Variants in TMEM138 observed in about 807,000 individuals in gnomAD.
TMEM138 encodes transmembrane protein 138.
In TMEM138, 9 loss-of-function variants were observed where a neutral mutation model predicts 18.1. The observed-to-expected ratio is 0.50, with a 90% CI of 0.30 to 0.87. The LOEUF (loss-of-function observed/expected upper bound fraction) is 0.87. Ranked by LOEUF, TMEM138 falls within the 40% of genes least tolerant of loss-of-function variation. The pLI, the probability that TMEM138 is intolerant of heterozygous loss-of-function variation, is 0.06. For missense variants in TMEM138, 189 were observed against 190.6 expected (o/e 0.99, Z 0.05); for synonymous variants, 79 against 74.8 (o/e 1.06, Z -0.29).
rs565197509 is a variant in TMEM138 at position 61,367,910 on chromosome 11, A to G, written c.301-13A>G. The G allele has an allele frequency of 4.4e-6, 7 of 1,593,268 alleles. No individual in the cohort carries two copies. The South Asian group carries it at 6.6e-5, about 15-fold the overall frequency. ...GTGGCCATTAACTTTTGTGTATCTCACATCTCCTTCAGAACTTACGCTGGA... is the reference window on the plus strand; with the variant it reads ...GTGGCCATTAACTTTTGTGTATCTCGCATCTCCTTCAGAACTTACGCTGGA... On this transcript the variant is annotated splice_polypyrimidine_tract_variant and intron_variant, in intron 3 of 4. Coordinates refer to ENST00000278826, the MANE Select transcript of TMEM138 (RefSeq NM_016464.5).
downstream of TMEM138, among the ~76,000 whole-genome samples, chr11:61,374,315 T>A (rs2135175736): frequency 6.6e-6 from 1 of 151,752 alleles, no homozygotes; most frequent in South Asian, 2.1e-4. Flanking sequence ...ACCCAGCTAA[T>A]TTTTGTATTT....
chr11:61,363,749 G>A (rs971763642), intron 1 of TMEM138: 8 of 152,250 alleles, frequency 5.3e-5, no homozygotes, highest in African/African-American at 1.9e-4. Flanking sequence ...TAAGAGCACA[G>A]ACTGTGGACC....
At chr11:61,375,684 C>T (rs961140825), downstream of TMEM138, among the ~76,000 whole-genome samples, 3 of 152,150 alleles carry the variant, frequency 2.0e-5, no homozygotes, top group Non-Finnish European at 2.9e-5. Context: ...AATCTGTTTT[C>T]GTTTGTAACA....
At chr11:61,376,731 G>T (rs985509613), downstream of TMEM138, among the ~76,000 whole-genome samples, 2 of 152,084 alleles carry the variant, frequency 1.3e-5, no homozygotes, top group Non-Finnish European at 2.9e-5. Flanking sequence ...TCTTTTGTTT[G>T]TTGTTGTTCT....
At position 61,368,679 on chromosome 11, in the gene TMEM138, G is replaced by A. The variant is rs200771374; in HGVS notation, c.459G>A (p.Leu153=). 23 of 1,614,066 alleles carry A rather than the reference G, an allele frequency of 1.4e-5. No individual in the cohort carries two copies. In the East Asian group the frequency reaches 3.3e-4, roughly 23 times the overall value. The change falls in exon 5 of 5, where the codon CTG becomes CTA. Residue 153 remains leucine, a synonymous_variant. Transcript: ENST00000278826. The part of the protein sequence containing the change: ...DPHFYQDSLW[L]RKEFMQVRR Reference sequence around the variant, plus strand: ...ACTTCTACCAGGACTCTTTGTGGCTGCGCAAGGAGTTCATGCAAGTTCGAA... The same window carrying A: ...ACTTCTACCAGGACTCTTTGTGGCTACGCAAGGAGTTCATGCAAGTTCGAA...
intron 2 of TMEM138, 33 bp downstream of exon 2, chr11:61,364,551 C>G: frequency 2.5e-6 from 4 of 1,612,762 alleles, no homozygotes; most frequent in Non-Finnish European, 3.4e-6. Flanking sequence ...GAAAGCTGAA[C>G]CCACGCAATT....
downstream of TMEM138, among the ~76,000 whole-genome samples, chr11:61,372,548 G>A (rs534209396): frequency 3.3e-5 from 5 of 151,700 alleles, no homozygotes; most frequent in African/African-American, 7.3e-5. Context: ...TTTGGGAGGC[G>A]AAGGCGGGGG....
At chr11:61,366,017 T>G in intron 2 of TMEM138, 28 bp from the exon 3 acceptor site, 1 of 1,598,280 alleles carries the variant, frequency 6.3e-7, no homozygotes, top group Non-Finnish European at 8.5e-7. Context: ...CAGGCCTTCA[T>G]TGGTTGTACT....
intron 2 of TMEM138, chr11:61,365,556 A>G (rs559056786): frequency 2.0e-5 from 3 of 152,236 alleles, no homozygotes. Context: ...TGCTGGGATT[A>G]CAGGCATGAG....
At chr11:61,365,630 G>A (rs544001638) in intron 2 of TMEM138, 42 of 154,506 alleles carry the variant, frequency 2.7e-4, no homozygotes, top group Middle Eastern at 6.6e-3. Context: ...TACTCAGGAG[G>A]GTGAGGCGGG....
rs780846842 is a variant in TMEM138 at position 61,364,522 on chromosome 11, C to T, written c.128+4C>T. 2.5e-6 allele frequency: 4 copies of T among 1,613,972 alleles called. No homozygotes were observed. The highest frequency in any genetic ancestry group is 1.1e-5 in the South Asian group (1 of 91,082). ...TCATCCAGCTTGTGCTCTTCATGTG[C>T]GTGCAGTAAGGCACTCTGGAAAGCT... is the stretch of plus-strand genomic sequence containing the variant. On this transcript the variant is annotated splice_donor_region_variant and intron_variant, in intron 2 of 4. Coordinates refer to ENST00000278826, the MANE Select transcript of TMEM138 (RefSeq NM_016464.5).
chr11:61,367,557 C>G (rs935007236), intron 3 of TMEM138: 7 of 176,328 alleles, frequency 4.0e-5, no homozygotes, highest in Non-Finnish European at 8.5e-5. Flanking sequence ...AGCCGTTAAT[C>G]TCATTAAACC....
intron 3 of TMEM138, chr11:61,367,163 C>G (rs746166364): frequency 6.6e-6 from 1 of 152,284 alleles, no homozygotes; most frequent in Non-Finnish European, 1.5e-5. Flanking sequence ...TGCCGTCTGC[C>G]AAGCTCCCAT....
At chr11:61,373,554 A>G (rs902323165), downstream of TMEM138, among the ~76,000 whole-genome samples, 6 of 151,924 alleles carry the variant, frequency 3.9e-5, no homozygotes, top group Non-Finnish European at 7.4e-5. Context: ...GGTTAAATGA[A>G]TGACTTATTT....
At chr11:61,367,212 T>G (rs1858185563) in intron 3 of TMEM138, 1 of 152,208 alleles carries the variant, frequency 6.6e-6, no homozygotes, top group Non-Finnish European at 1.5e-5. Context: ...GATCCCTCCC[T>G]TTGGTTCTAA....
At chr11:61,373,263 GATAAA>G (rs1440187284), downstream of TMEM138, among the ~76,000 whole-genome samples, 4 of 152,178 alleles carry the variant, frequency 2.6e-5, no homozygotes, top group Non-Finnish European at 4.4e-5. Context: ...GATTTTGAGA[GATAAA>G]ATAAGTTCAG....
At position 61,368,285 on chromosome 11, in the gene TMEM138, C is replaced by G. The variant is rs548378724; in HGVS notation, c.376+287C>G. 34 of 545,014 alleles carry G rather than the reference C, an allele frequency of 6.2e-5. No homozygotes were observed. In the African/African-American group the frequency reaches 6.4e-4, roughly 10 times the overall value. The allele number at this position is 545,014 out of a possible 1,614,324, so 33.8% of individuals were successfully genotyped here. A position where few individuals can be genotyped will look rare whatever the true frequency, so the allele number is the denominator to read the frequency against. ...TGTCGCCCAGGCTGGAGTGCTGTGG[C>G]GCTATCTCAGGCTCACTGCAAGCTC... On this transcript the variant is annotated intron_variant, in intron 4 of 4. Transcript: ENST00000278826.
chr11:61,374,144 T>C (rs1306974492), downstream of TMEM138, among the ~76,000 whole-genome samples: 2 of 128,750 alleles, frequency 1.6e-5, no homozygotes, highest in Non-Finnish European at 3.3e-5. Context: ...CGCCCAGTCC[T>C]TTTTTTTTTT....
downstream of TMEM138, among the ~76,000 whole-genome samples, chr11:61,372,058 C>A (rs1476578740): frequency 6.6e-6 from 1 of 151,736 alleles, no homozygotes; most frequent in Non-Finnish European, 1.5e-5. Flanking sequence ...TGCGTGTAAT[C>A]CCAGCTACTC....
Sources: allele counts gnomAD v4.1 joint callset (sites outside exome capture counted in the v4.1 genomes callset), GRCh38; gene constraint gnomAD v4.1.1; transcripts MANE v1.5; gene names NCBI Gene and HGNC (gene_info 2026-07-23, HGNC 2026-07-21).